Variants in MYLK observed in about 807,000 individuals in gnomAD.
MYLK encodes the protein myosin light chain kinase.
In MYLK, 106 loss-of-function variants were observed where a neutral mutation model predicts 203.4. The observed-to-expected ratio is 0.52, with a 90% CI of 0.45 to 0.61. The LOEUF (loss-of-function observed/expected upper bound fraction) is 0.61, where lower values mean the gene tolerates loss of function less well. MYLK is among the 20% of genes least tolerant of loss of function. The probability of loss-of-function intolerance (pLI) is 0.00; values close to 1 mark genes in which losing one functional copy is unlikely to be tolerated. For synonymous variants in MYLK, 867 were observed against 959.5 expected (o/e 0.90, Z 1.78); for missense variants, 2,072 against 2,442.3 (o/e 0.85, Z 3.20).
At chr3:123,663,629 C>T (rs2059638359) in intron 23 of MYLK, among the ~76,000 whole-genome samples, 1 of 151,964 alleles carries the variant, frequency 6.6e-6, no homozygotes, top group East Asian at 1.9e-4. Flanking sequence ...TGGTGGAGCC[C>T]CCAAGGACCT....
At chr3:123,688,646 G>C (rs888466023) in intron 19 of MYLK, among the ~76,000 whole-genome samples, 1 of 151,906 alleles carries the variant, frequency 6.6e-6, no homozygotes, top group Non-Finnish European at 1.5e-5. Context: ...TCTGGTCCAC[G>C]GTCCTCCTCA....
chr3:123,746,646 G>A (rs1316811321), intron 5 of MYLK, among the ~76,000 whole-genome samples: 1 of 152,194 alleles, frequency 6.6e-6, no homozygotes, highest in Non-Finnish European at 1.5e-5. Flanking sequence ...AAATGAGTAA[G>A]GCTGCTTCTG....
intron 33 of MYLK, among the ~76,000 whole-genome samples, chr3:123,616,125 G>C (rs1466527159): frequency 6.6e-6 from 1 of 152,096 alleles, no homozygotes; most frequent in Non-Finnish European, 1.5e-5. Context: ...GAATTTTATA[G>C]TATATAAATT....
intron 4 of MYLK, among the ~76,000 whole-genome samples, chr3:123,784,376 C>CTTTTTTTTTTTTTTTTTTTTTTTTTT: frequency 1.3e-5 from 1 of 78,694 alleles, no homozygotes; most frequent in African/African-American, 4.8e-5. Context: ...GGTTGACTTT[C>CTTTTTTTTTTTTTTTTTTTTTTTTTT]TTTTTTTTTT....
At chr3:123,759,034 A>T (rs1258013516) in intron 4 of MYLK, among the ~76,000 whole-genome samples, 1 of 152,174 alleles carries the variant, frequency 6.6e-6, no homozygotes, top group African/African-American at 2.4e-5. Flanking sequence ...CATGTTGCCC[A>T]GGCTGGTCTT....
rs5852352 is a variant in MYLK, at chr3:123,704,747, C to CAAA, written c.2390+3004_2390+3006dup. ...TGAAACCCCGTCTCTACTAAAAATA[C>CAAA]AAAAAAAAAAAAAAAAAAAAAAATT... is the stretch of plus-strand genomic sequence containing the variant. On this transcript the variant is annotated intron_variant, in intron 16 of 33. Coordinates refer to ENST00000360304, the MANE Select transcript of MYLK (RefSeq NM_053025.4). Among the ~76,000 whole-genome samples the CAAA allele has an allele frequency of 0.033, 2,929 of 87,640 alleles. 340 individuals are homozygous for CAAA. The East Asian group carries it at 0.44, about 13-fold the overall frequency. 57.5% of individuals were successfully genotyped at this position (87,640 alleles called of 152,430 possible). A position where few individuals can be genotyped will look rare whatever the true frequency, so the allele number is the denominator to read the frequency against.
In MYLK at chr3:123,718,912, G is replaced by A. The variant is rs117770689; in HGVS notation, c.1804+3216C>T. Among the ~76,000 whole-genome samples the A allele has an allele frequency of 4.3e-4, 65 of 152,290 alleles. 2 individuals are homozygous for A. The East Asian group carries it at 8.7e-3, about 20-fold the overall frequency. On this transcript the variant is annotated intron_variant, in intron 13 of 33. Transcript: ENST00000360304. ...ATGCCTGGCACTGATCAATATAGGC[G>A]CGCAGTAAAGACTTGTTGATAAGTA...
At position 123,779,184 on chromosome 3, in the gene MYLK, G is replaced by A. The variant is rs2064194199; in HGVS notation, c.165+14493C>T. The stretch of plus-strand genomic sequence containing the variant: ...AGCTCTCCTGTCCTCTAGCTCAACA[G>A]AGTATGGCATTTGATGGGGTTGTGC... On this transcript the variant is annotated intron_variant, in intron 4 of 33. Coordinates refer to ENST00000360304, the MANE Select transcript of MYLK (RefSeq NM_053025.4). 3.3e-5 allele frequency among the ~76,000 whole-genome samples: 5 copies of A among 152,328 alleles called. No individual in the cohort carries two copies. In the South Asian group the frequency reaches 1.0e-3, roughly 32 times the overall value.
chr3:123,787,781 A>C (rs2064594480), intron 4 of MYLK, among the ~76,000 whole-genome samples: 1 of 152,222 alleles, frequency 6.6e-6, no homozygotes, highest in African/African-American at 2.4e-5. Context: ...CCAATAAGCC[A>C]TTAACAAATA....
intron 2 of MYLK, among the ~76,000 whole-genome samples, chr3:123,831,912 G>A (rs1202687078): frequency 2.0e-5 from 3 of 152,166 alleles, no homozygotes; most frequent in Non-Finnish European, 2.9e-5. Flanking sequence ...GAGGACAGAC[G>A]CAGAACCATG....
At chr3:123,714,880 T>C (rs1273362518) in intron 13 of MYLK, among the ~76,000 whole-genome samples, 1 of 152,078 alleles carries the variant, frequency 6.6e-6, no homozygotes, top group African/African-American at 2.4e-5. Context: ...ACAAGCACAA[T>C]GACTAAGAAT....
At chr3:123,742,979 G>A (rs942518821) in intron 5 of MYLK, among the ~76,000 whole-genome samples, 1 of 152,054 alleles carries the variant, frequency 6.6e-6, no homozygotes, top group African/African-American at 2.4e-5. Context: ...GAGGGGATGG[G>A]GAATTAATGC....
At chr3:123,848,606 T>C (rs1046974037) in intron 2 of MYLK, among the ~76,000 whole-genome samples, 11 of 152,320 alleles carry the variant, frequency 7.2e-5, no homozygotes, top group African/African-American at 2.6e-4. Flanking sequence ...AGTTATTACA[T>C]AGGGCTTCCA....
At chr3:123,644,831 G>A (rs915812776) in intron 27 of MYLK, among the ~76,000 whole-genome samples, 2 of 152,166 alleles carry the variant, frequency 1.3e-5, no homozygotes, top group Admixed American at 1.3e-4. Flanking sequence ...TGTAAGATAC[G>A]AATGGAAATT....
At chr3:123,869,900 T>C (rs1313584022) in intron 2 of MYLK, among the ~76,000 whole-genome samples, 2 of 112,810 alleles carry the variant, frequency 1.8e-5, no homozygotes, top group African/African-American at 3.3e-5. Context: ...ATTAGGAAAA[T>C]TGGCTAAGAT....
intron 4 of MYLK, among the ~76,000 whole-genome samples, chr3:123,755,867 G>A (rs1012727453): frequency 5.9e-5 from 9 of 152,136 alleles, no homozygotes; most frequent in South Asian, 2.1e-4. Context: ...CAGCTATGAC[G>A]GAGATGTCTT....
intron 2 of MYLK, among the ~76,000 whole-genome samples, chr3:123,835,716 A>G (rs2066460052): frequency 6.6e-6 from 1 of 152,168 alleles, no homozygotes; most frequent in South Asian, 2.1e-4. Context: ...ATTCTCCTCC[A>G]AGGACACCAG....
chr3:123,701,008 G>T lies in MYLK; in HGVS notation c.2463-3C>A, dbSNP rs1239985909. 2 of 1,599,392 alleles carry T rather than the reference G, an allele frequency of 1.3e-6. No individual in the cohort carries two copies. Among genetic ancestry groups the T allele is most frequent in the Admixed American group, 1.7e-5 (1 of 59,892 alleles). On this transcript the variant is annotated splice_region_variant and splice_polypyrimidine_tract_variant and intron_variant, in intron 17 of 33. Transcript: ENST00000360304. ...CGCAGCTGGCAGGCTCCCTCCCCCT[G>T]CAACCAGTGTAGGGAAAAAGGAAAG...
At chr3:123,834,460 G>A (rs1187851033) in intron 2 of MYLK, among the ~76,000 whole-genome samples, 2 of 152,124 alleles carry the variant, frequency 1.3e-5, no homozygotes, top group Non-Finnish European at 2.9e-5. Context: ...ATTTAATAAA[G>A]GTCTTGGTGG....
Sources: allele counts gnomAD v4.1 joint callset (sites outside exome capture counted in the v4.1 genomes callset), GRCh38; gene constraint gnomAD v4.1.1; transcripts MANE v1.5; gene names NCBI Gene and HGNC (gene_info 2026-07-23, HGNC 2026-07-21).